The following GRID2 variants were observed in gnomAD, a reference collection of about 807,000 sequenced individuals.
GRID2 encodes glutamate ionotropic receptor delta type subunit 2, also known as glutamate receptor ionotropic, delta-2.
Under a neutral mutation model 114.8 loss-of-function variants are expected in GRID2, and 33 were observed. The observed-to-expected ratio is 0.29, with a 90% CI of 0.22 to 0.38. GRID2 has a LOEUF of 0.38. GRID2 is among the 10% of genes least tolerant of loss of function. The pLI, the probability that GRID2 is intolerant of heterozygous loss-of-function variation, is 1.00. For missense variants in GRID2, 1,184 were observed against 1,257.7 expected, an observed-to-expected ratio of 0.94 and a Z score of 0.89; for synonymous variants, 505 against 449.9, an observed-to-expected ratio of 1.12 and a Z score of -1.55.
At chr4:93,337,593 T>C (rs1579728579) in intron 8 of GRID2, among the ~76,000 whole-genome samples, 1 of 152,306 alleles carries the variant, frequency 6.6e-6, no homozygotes, top group African/African-American at 2.4e-5. Flanking sequence ...TTCTTTGCTT[T>C]GAAGGGAGGC....
intron 2 of GRID2, among the ~76,000 whole-genome samples, chr4:92,927,028 C>T (rs756317401): frequency 6.6e-6 from 1 of 151,750 alleles, no homozygotes; most frequent in Non-Finnish European, 1.5e-5. Flanking sequence ...TTAAAACCCC[C>T]AAATCTGATA....
chr4:93,457,206 T>C (rs1723291304), intron 11 of GRID2, among the ~76,000 whole-genome samples: 1 of 152,098 alleles, frequency 6.6e-6, no homozygotes, highest in African/African-American at 2.4e-5. Flanking sequence ...TAGGAGATCA[T>C]AGGTGTAGAA....
chr4:92,950,100 T>C (rs1390282009), intron 2 of GRID2, among the ~76,000 whole-genome samples: 2 of 152,178 alleles, frequency 1.3e-5, no homozygotes, highest in Non-Finnish European at 2.9e-5. Context: ...CCTGTTTTGC[T>C]TCTCTGGCCA....
intron 2 of GRID2, among the ~76,000 whole-genome samples, chr4:92,827,864 T>TAAAAAAGAAAGA (rs1741836968): frequency 1.3e-5 from 2 of 152,122 alleles, no homozygotes; most frequent in African/African-American, 2.4e-5. Flanking sequence ...CTTTCTTTTT[T>TAAAAAAGAAAGA]AAACTTGCAG....
chr4:93,402,134 A>G (rs1433009743), intron 9 of GRID2, among the ~76,000 whole-genome samples: 1 of 152,090 alleles, frequency 6.6e-6, no homozygotes, highest in Non-Finnish European at 1.5e-5. Flanking sequence ...TACTTCACAC[A>G]ATTTTGTTGC....
chr4:93,737,248 T>C (rs905850034), intron 14 of GRID2, among the ~76,000 whole-genome samples: 2 of 152,084 alleles, frequency 1.3e-5, no homozygotes, highest in African/African-American at 4.8e-5. Flanking sequence ...GTTATCTCTG[T>C]CTGCAAATTT....
chr4:92,537,945 A>G (rs774501446), intron 1 of GRID2, among the ~76,000 whole-genome samples: 4 of 152,060 alleles, frequency 2.6e-5, no homozygotes, highest in Non-Finnish European at 5.9e-5. Flanking sequence ...CTCCATCTCT[A>G]TAAGAAAATG....
Position 93,475,334 on chromosome 4 carries a change from C to CG in GRID2, c.1859-15303dup, listed in dbSNP as rs202077267. On this transcript the variant is annotated intron_variant, in intron 11 of 15. Transcript: ENST00000282020. ...AAGAGCTCTGTAAAACTGAAAATTACGGAAGAAAATTCAAAATTAGGAAAG... is the reference window on the plus strand; with the variant it reads ...AAGAGCTCTGTAAAACTGAAAATTACGGGAAGAAAATTCAAAATTAGGAAAG... 8.0e-3 allele frequency among the ~76,000 whole-genome samples: 1,212 copies of CG among 152,008 alleles called. 18 individuals carry two copies. Among genetic ancestry groups the CG allele is most frequent in the African/African-American group, 0.028 (1,163 of 41,488 alleles).
intron 8 of GRID2, among the ~76,000 whole-genome samples, chr4:93,281,534 G>T (rs141919182): frequency 6.6e-6 from 1 of 151,936 alleles, no homozygotes; most frequent in Non-Finnish European, 1.5e-5. Context: ...GGAAAAACTA[G>T]GTCTTGAACC....
At chr4:92,517,708 G>T (rs112203115) in intron 1 of GRID2, among the ~76,000 whole-genome samples, 51 of 151,932 alleles carry the variant, frequency 3.4e-4, no homozygotes, top group African/African-American at 1.2e-3. Context: ...AGTTAAAATA[G>T]TCAATTTTTA....
chr4:92,577,081 C>T (rs1727933024), intron 1 of GRID2, among the ~76,000 whole-genome samples: 2 of 152,092 alleles, frequency 1.3e-5, no homozygotes. Context: ...AGAAGCATAG[C>T]ATATTCGAAA....
intron 13 of GRID2, among the ~76,000 whole-genome samples, chr4:93,556,698 C>T (rs184566159): frequency 1.3e-5 from 2 of 152,174 alleles, no homozygotes; most frequent in Admixed American, 6.5e-5. Flanking sequence ...CCAGAACTTC[C>T]CCAACCTAGC....
intron 2 of GRID2, among the ~76,000 whole-genome samples, chr4:92,620,159 T>C (rs550371053): frequency 4.0e-5 from 6 of 151,710 alleles, no homozygotes. Flanking sequence ...GTAAAAGATT[T>C]TGAATGTGAA....
chr4:93,671,385 T>C (rs942789532), intron 14 of GRID2, among the ~76,000 whole-genome samples: 1 of 152,168 alleles, frequency 6.6e-6, no homozygotes, highest in African/African-American at 2.4e-5. Flanking sequence ...ACATGAGCAC[T>C]GCATTGACTG....
chr4:93,807,442 A>G (rs1735054534), exon 2 of GRID2: 1 of 152,178 alleles, frequency 6.6e-6, no homozygotes, highest in African/African-American at 2.4e-5. Context: ...ACATTATTTC[A>G]TACTTACCAA....
intron 8 of GRID2, among the ~76,000 whole-genome samples, chr4:93,359,233 T>C (rs1045855293): frequency 6.6e-6 from 1 of 152,068 alleles, no homozygotes; most frequent in Non-Finnish European, 1.5e-5. Flanking sequence ...AGTTAAACCA[T>C]GCATGTGTCT....
intron 8 of GRID2, among the ~76,000 whole-genome samples, chr4:93,372,150 GAC>G (rs1579858888): frequency 1.3e-5 from 2 of 152,048 alleles, no homozygotes; most frequent in African/African-American, 4.8e-5. Flanking sequence ...TAGTATTAAA[GAC>G]ACACAAGTAA....
At chr4:93,630,349 C>T (rs761052993) in intron 14 of GRID2, among the ~76,000 whole-genome samples, 1 of 152,112 alleles carries the variant, frequency 6.6e-6, no homozygotes, top group African/African-American at 2.4e-5. Flanking sequence ...TCATTAAAGG[C>T]ATTCAAGAAT....
intron 14 of GRID2, among the ~76,000 whole-genome samples, chr4:93,719,525 C>T (rs948460774): frequency 6.6e-6 from 1 of 151,770 alleles, no homozygotes; most frequent in Non-Finnish European, 1.5e-5. Flanking sequence ...ATTTTCAATT[C>T]ACAGAAGGGC....
Sources: allele counts gnomAD v4.1 joint callset (sites outside exome capture counted in the v4.1 genomes callset), GRCh38; gene constraint gnomAD v4.1.1; transcripts MANE v1.5; gene names NCBI Gene and HGNC (gene_info 2026-07-23, HGNC 2026-07-21).